SPHKAP: variants seen among roughly 807,000 people sequenced by gnomAD.
SPHKAP encodes the protein SPHK1 interactor, AKAP domain containing, also known as A-kinase anchor protein SPHKAP.
SPHKAP carries 67 observed loss-of-function variants against 137.5 expected under a neutral mutation model. The observed-to-expected ratio is 0.49, with a 90% CI of 0.40 to 0.60. SPHKAP has a LOEUF of 0.60. Among genes scored for constraint, SPHKAP ranks in the 20% least tolerant of loss-of-function variants. The pLI is 0.00. For synonymous variants in SPHKAP, 813 were observed against 785.3 expected (o/e 1.04, Z -0.59); for missense variants, 2,097 against 2,069.3 (o/e 1.01, Z -0.26).
At chr2:228,135,589 G>C (rs2106380118) in intron 1 of SPHKAP, among the ~76,000 whole-genome samples, 1 of 152,268 alleles carries the variant, frequency 6.6e-6, no homozygotes. Context: ...CTGCCTCTAA[G>C]GTGACTGTAC....
At chr2:228,174,203 T>C (rs1261674242) in intron 1 of SPHKAP, among the ~76,000 whole-genome samples, 1 of 152,228 alleles carries the variant, frequency 6.6e-6, no homozygotes, top group Non-Finnish European at 1.5e-5. Context: ...GTAGCTGCTT[T>C]TAATTCAGAG....
chr2:228,104,093 G>T (rs1399930147), intron 3 of SPHKAP, among the ~76,000 whole-genome samples: 1 of 151,214 alleles, frequency 6.6e-6, no homozygotes, highest in Non-Finnish European at 1.5e-5. Context: ...TAATAATTTT[G>T]AAACTTGATT....
chr2:228,048,481 G>A (rs929026536), intron 3 of SPHKAP, among the ~76,000 whole-genome samples: 3 of 152,058 alleles, frequency 2.0e-5, no homozygotes, highest in African/African-American at 7.2e-5. Context: ...TTATCATGTA[G>A]AACTGTTTCT....
chr2:228,032,171 G>T (rs566088261), intron 3 of SPHKAP, among the ~76,000 whole-genome samples: 2 of 152,254 alleles, frequency 1.3e-5, no homozygotes, highest in South Asian at 4.1e-4. Flanking sequence ...AATAACCAAC[G>T]CAGAGAAGTC....
At chr2:228,093,494 C>G (rs1697876495) in intron 3 of SPHKAP, among the ~76,000 whole-genome samples, 1 of 151,946 alleles carries the variant, frequency 6.6e-6, no homozygotes, top group Non-Finnish European at 1.5e-5. Context: ...TGAAAATATG[C>G]TAAGTGAAAG....
chr2:228,054,507 C>T (rs10206653), intron 3 of SPHKAP, among the ~76,000 whole-genome samples: 57,836 of 151,538 alleles, frequency 0.38, 11,425 homozygotes, highest in South Asian at 0.51. Flanking sequence ...TACAGACTTG[C>T]AATCAGATAA....
At chr2:228,014,939 C>CT (rs1235125263) in intron 7 of SPHKAP, among the ~76,000 whole-genome samples, 2 of 151,864 alleles carry the variant, frequency 1.3e-5, no homozygotes, top group African/African-American at 4.8e-5. Context: ...TATTATCATA[C>CT]TTTAAGTTTT....
At chr2:228,058,712 C>T (rs1327498635) in intron 3 of SPHKAP, among the ~76,000 whole-genome samples, 2 of 152,210 alleles carry the variant, frequency 1.3e-5, no homozygotes, top group African/African-American at 4.8e-5. Flanking sequence ...CTATGTAGCA[C>T]TGTGGCAACA....
Position 228,141,523 on chromosome 2 carries a change from T to C in SPHKAP, c.33-9438A>G, listed in dbSNP as rs544894624. Among the ~76,000 whole-genome samples the C allele has an allele frequency of 5.8e-4, 88 of 152,352 alleles. 1 individual carries two copies. The South Asian group carries it at 0.018, about 32-fold the overall frequency. On this transcript the variant is annotated intron_variant, in intron 1 of 11. Transcript: ENST00000392056. Reference sequence around the variant, plus strand: ...TTTTTGAATAAATTGCATAAATATTTATTATAGTGGCACTTTTCTTAGAGC... The same window carrying C: ...TTTTTGAATAAATTGCATAAATATTCATTATAGTGGCACTTTTCTTAGAGC...
At position 228,091,218 on chromosome 2, in the gene SPHKAP, T is replaced by C. The variant is rs747363425; in HGVS notation, c.246+17614A>G. 4.3e-4 allele frequency among the ~76,000 whole-genome samples: 66 copies of C among 152,110 alleles called. 1 individual carries two copies. The highest frequency in any genetic ancestry group is 3.9e-4 in the Admixed American group (6 of 15,264). On this transcript the variant is annotated intron_variant, in intron 3 of 11. Transcript: ENST00000392056. ...AAGAATTAGAAAGCTAGAGTGACTA[T>C]ACTAATATCAAACAAAATAAACTTT...
chr2:228,111,892 A>AT (rs927974360), intron 2 of SPHKAP, among the ~76,000 whole-genome samples: 60 of 150,972 alleles, frequency 4.0e-4, no homozygotes, highest in African/African-American at 7.3e-4. Flanking sequence ...ATCTGCATCT[A>AT]TTTTTTTTTG....
chr2:228,115,239 G>GTAGCTCCAGGTT (rs1392039046), intron 2 of SPHKAP, among the ~76,000 whole-genome samples: 7 of 152,078 alleles, frequency 4.6e-5, no homozygotes, highest in Non-Finnish European at 1.5e-5. Context: ...TTGCTGATCT[G>GTAGCTCCAGGTT]TAGCTCCAGG....
At chr2:228,003,695 G>A (rs1332361028) in intron 7 of SPHKAP, among the ~76,000 whole-genome samples, 2 of 152,162 alleles carry the variant, frequency 1.3e-5, no homozygotes, top group African/African-American at 4.8e-5. Flanking sequence ...TATTGGCTGT[G>A]AGTTTGTCAT....
At chr2:228,095,680 A>C (rs1697961077) in intron 3 of SPHKAP, among the ~76,000 whole-genome samples, 1 of 152,148 alleles carries the variant, frequency 6.6e-6, no homozygotes, top group African/African-American at 2.4e-5. Context: ...GAAGGGACAT[A>C]GTGGCAGTTT....
chr2:227,989,778 G>GT lies in SPHKAP; in HGVS notation c.4959+1221dup, dbSNP rs33974192. ...CTGCCACCATGCCTGGCTAATTTTT[G>GT]TTTTTTTTTTTTTTTTTAAGTAGAG... is the stretch of plus-strand genomic sequence containing the variant. On this transcript the variant is annotated intron_variant, in intron 11 of 11. Coordinates refer to ENST00000392056, the MANE Select transcript of SPHKAP (RefSeq NM_001142644.2). Among the ~76,000 whole-genome samples, 299 of 141,022 alleles carry GT rather than the reference G, an allele frequency of 2.1e-3. 2 individuals carry two copies. Among genetic ancestry groups the GT allele is most frequent in the South Asian group, 0.018 (76 of 4,218 alleles). 92.5% of individuals were successfully genotyped at this position (141,022 alleles called of 152,430 possible).
Position 228,019,883 on chromosome 2 carries a change from T to A in SPHKAP, c.971A>T (p.His324Leu). The A allele has an allele frequency of 6.2e-7, 1 of 1,614,260 alleles. No homozygotes were observed. The highest frequency in any genetic ancestry group is 8.5e-7 in the Non-Finnish European group (1 of 1,180,042). Reference sequence around the variant, plus strand: ...CATTTGACCTTTAAAAGCTTCTGAATGATAATAATGTGTGGCTTGTCTCCC... The same window carrying A: ...CATTTGACCTTTAAAAGCTTCTGAAAGATAATAATGTGTGGCTTGTCTCCC... ...GNGRQATHYY[H>L]SEAFKGQMEK... Residue 324 changes from histidine (H) to leucine (L), a missense_variant, in exon 7 of 12, where the codon CAT (histidine) becomes CTT (leucine). Coordinates refer to ENST00000392056, the MANE Select transcript of SPHKAP (RefSeq NM_001142644.2).
intron 1 of SPHKAP, among the ~76,000 whole-genome samples, chr2:228,168,378 A>T (rs902630626): frequency 6.6e-6 from 1 of 152,140 alleles, no homozygotes; most frequent in African/African-American, 2.4e-5. Flanking sequence ...CAGTAATCCT[A>T]TTGGCATCAT....
chr2:228,073,125 A>G (rs1237300917), intron 3 of SPHKAP, among the ~76,000 whole-genome samples: 1 of 152,246 alleles, frequency 6.6e-6, no homozygotes, highest in Non-Finnish European at 1.5e-5. Flanking sequence ...TTATTTTACA[A>G]ATGAGGAAAT....
At chr2:228,172,804 G>T (rs1173259361) in intron 1 of SPHKAP, among the ~76,000 whole-genome samples, 5 of 152,178 alleles carry the variant, frequency 3.3e-5, no homozygotes, top group African/African-American at 4.8e-5. Flanking sequence ...AAATCTGTTA[G>T]TCACCATGGC....
Sources: allele counts gnomAD v4.1 joint callset (sites outside exome capture counted in the v4.1 genomes callset), GRCh38; gene constraint gnomAD v4.1.1; transcripts MANE v1.5; gene names NCBI Gene and HGNC (gene_info 2026-07-23, HGNC 2026-07-21).